The following SLC12A5 variants were observed in gnomAD, a reference collection of about 807,000 sequenced individuals.
The protein encoded by SLC12A5 is K-Cl cotransporter 2.
Under a neutral mutation model 124.0 loss-of-function variants are expected in SLC12A5, and 18 were observed. The ratio of observed to expected loss-of-function variants is 0.15; its 90% confidence interval spans 0.10 to 0.22. The LOEUF (loss-of-function observed/expected upper bound fraction) is 0.22, where lower values mean the gene tolerates loss of function less well. Ranked by LOEUF, SLC12A5 falls within the 10% of genes least tolerant of loss-of-function variation. The probability of loss-of-function intolerance (pLI) is 1.00; values close to 1 mark genes in which losing one functional copy is unlikely to be tolerated. For synonymous variants in SLC12A5, 589 were observed against 568.0 expected, an observed-to-expected ratio of 1.04 and a Z score of -0.53; for missense variants, 867 against 1,478.7, an observed-to-expected ratio of 0.59 and a Z score of 6.78.
At chr20:46,051,387 A>G (rs925897202) in intron 17 of SLC12A5, among the ~76,000 whole-genome samples, 1 of 152,106 alleles carries the variant, frequency 6.6e-6, no homozygotes, top group African/African-American at 2.4e-5. Context: ...GGCTTGTGTC[A>G]GGGTGATGGT....
chr20:46,030,996 G>T (rs1363244659), intron 1 of SLC12A5, among the ~76,000 whole-genome samples: 3 of 152,154 alleles, frequency 2.0e-5, no homozygotes. Flanking sequence ...TGAGTCTGCG[G>T]CAGCGCCAGG....
Position 46,056,828 on chromosome 20 carries a change from C to T in SLC12A5, c.3111-69C>T. ...GGCAGATGACCATGGCCCAAGCCCC[C>T]AGTGTCTTCCTCTTTTTCTGACTCT... On this transcript the variant is annotated intron_variant, in intron 23 of 25. Transcript: ENST00000243964. This position sits in a 1 kb window ranked among gnomAD's most constrained non-coding sequence, Gnocchi z 4.3. 2 of 1,530,790 alleles carry T rather than the reference C, an allele frequency of 1.3e-6. No homozygotes were observed. Among genetic ancestry groups the T allele is most frequent in the East Asian group, 4.5e-5 (2 of 44,532 alleles). The allele number at this position is 1,530,790 out of a possible 1,614,324, so 94.8% of individuals were successfully genotyped here.
intron 1 of SLC12A5, among the ~76,000 whole-genome samples, chr20:46,032,065 T>C (rs1198160819): frequency 2.6e-5 from 4 of 152,234 alleles, no homozygotes; most frequent in Non-Finnish European, 5.9e-5. Context: ...AGAACTAGCC[T>C]ACCTAGCCGC....
At chr20:46,049,342 T>A (rs1241216033) in intron 16 of SLC12A5, among the ~76,000 whole-genome samples, 1 of 152,180 alleles carries the variant, frequency 6.6e-6, no homozygotes, top group Non-Finnish European at 1.5e-5. Flanking sequence ...GATGTGTGGA[T>A]AATTGAATGA....
chr20:46,052,430 T>C (rs553753854), intron 18 of SLC12A5, among the ~76,000 whole-genome samples: 18 of 152,378 alleles, frequency 1.2e-4, no homozygotes, highest in Non-Finnish European at 2.5e-4. Flanking sequence ...CTGGGTTCGG[T>C]GGCTCACGCC....
Position 46,059,053 on chromosome 20 carries a change from T to C in SLC12A5, c.*1448T>C. Reference sequence around the variant, plus strand: ...TGGCCCTTCCGCTCCACCAGCCTGGTCTGAGGCGTGCTCTGTCCTTAGAGA... The same window carrying C: ...TGGCCCTTCCGCTCCACCAGCCTGGCCTGAGGCGTGCTCTGTCCTTAGAGA... On this transcript the variant is annotated 3_prime_UTR_variant, in exon 26 of 26. Coordinates refer to ENST00000243964, the MANE Select transcript of SLC12A5 (RefSeq NM_020708.5). 3.6e-6 allele frequency: 1 copy of C among 278,392 alleles called. No homozygotes were observed. The highest frequency in any genetic ancestry group is 6.6e-6 in the Non-Finnish European group (1 of 150,686). The allele number at this position is 278,392 out of a possible 1,614,324, so 17.2% of individuals were successfully genotyped here.
Position 46,056,574 on chromosome 20 carries a change from T to C in SLC12A5, c.3110+10T>C, listed in dbSNP as rs2145508277. Reference sequence around the variant, plus strand: ...TCTTCAGCATGAAGCCGTACGGGCCTGGGGGCTAAGGGCTGGGGGCTGGGG... The same window carrying C: ...TCTTCAGCATGAAGCCGTACGGGCCCGGGGGCTAAGGGCTGGGGGCTGGGG... On this transcript the variant is annotated intron_variant, in intron 23 of 25. Transcript: ENST00000243964. The surrounding 1 kb of genome is among the most constrained non-coding windows in gnomAD (Gnocchi z 4.3). 6.2e-7 allele frequency: 1 copy of C among 1,612,052 alleles called. No homozygotes were observed. Among genetic ancestry groups the C allele is most frequent in the Non-Finnish European group, 8.5e-7 (1 of 1,178,848 alleles).
At chr20:46,055,623 G>T (rs1166528451) in intron 21 of SLC12A5, among the ~76,000 whole-genome samples, 1 of 152,144 alleles carries the variant, frequency 6.6e-6, no homozygotes, top group African/African-American at 2.4e-5. Flanking sequence ...GGGACAGAAG[G>T]GCTCCTGGAG....
At chr20:46,047,625 G>A in intron 15 of SLC12A5, 52 bp downstream of exon 15, 2 of 1,587,170 alleles carry the variant, frequency 1.3e-6, no homozygotes, top group Non-Finnish European at 1.7e-6. Flanking sequence ...GAAGGGTGGT[G>A]GGAAGGAGAG....
chr20:46,030,806 C>T (rs2084442668), intron 1 of SLC12A5, among the ~76,000 whole-genome samples: 2 of 151,892 alleles, frequency 1.3e-5, no homozygotes, highest in South Asian at 4.2e-4. Context: ...CTGACTCCCC[C>T]CCACCCCCCG....
Position 46,053,501 on chromosome 20 carries a change from G to A in SLC12A5, c.2548-77G>A. Reference sequence around the variant, plus strand: ...GAGTGGGTGGGAAGAGGGGAAGGGTGAGCGGACAGGGCCTGGCCCTGGATC... The same window carrying A: ...GAGTGGGTGGGAAGAGGGGAAGGGTAAGCGGACAGGGCCTGGCCCTGGATC... On this transcript the variant is annotated intron_variant, in intron 19 of 25. Transcript: ENST00000243964. The surrounding 1 kb of genome is among the most constrained non-coding windows in gnomAD (Gnocchi z 4.7). 1.3e-6 allele frequency: 2 copies of A among 1,581,896 alleles called. No homozygotes were observed. The highest frequency in any genetic ancestry group is 2.2e-5 in the East Asian group (1 of 44,480).
At position 46,054,905 on chromosome 20, in the gene SLC12A5, T is replaced by C; in HGVS notation, c.2680-11T>C. 1 of 1,604,676 alleles carries C rather than the reference T, an allele frequency of 6.2e-7. No homozygotes were observed. ...CCCCACCCCCCAACCCCAACCTCTG[T>C]CTGCCCACAGCATGAGAGCGACATC... On this transcript the variant is annotated splice_polypyrimidine_tract_variant and intron_variant, in intron 20 of 25. Transcript: ENST00000243964.
In SLC12A5 at chr20:46,035,496, G is replaced by T; in HGVS notation, c.240G>T (p.Glu80Asp). ...NLPQGSREHEEAENNEGGKKK... is the reference protein window; with the variant it reads ...NLPQGSREHEDAENNEGGKKK... ...CCCAGGGAAGTAGGGAGCATGAAGA[G>T]GCAGAAAACAATGAGGGTGGAAAAA... Residue 80 changes from glutamate (E) to aspartate (D), a missense_variant, in exon 3 of 26, where the codon GAG becomes GAT. Physicochemically the swap from Glu to Asp is conservative, Grantham distance 45 (BLOSUM62 2). This residue lies in a region of SLC12A5 where 126 missense variants were observed against 291.6 expected (regional missense o/e 0.43). Transcript: ENST00000243964. 6.2e-7 allele frequency: 1 copy of T among 1,613,876 alleles called. No homozygotes were observed. The highest frequency in any genetic ancestry group is 8.5e-7 in the Non-Finnish European group (1 of 1,179,958).
At chr20:46,037,470 C>G in intron 6 of SLC12A5, 85 bp downstream of exon 6, 1 of 1,403,934 alleles carries the variant, frequency 7.1e-7, no homozygotes, top group African/African-American at 1.5e-5. Flanking sequence ...ATAGGCCAGG[C>G]CATTCAGTGA....
rs779753942 is a variant in SLC12A5, at chr20:46,040,600, C to A, written c.840C>A (p.Asp280Glu). The change falls in exon 7 of 26, where the codon GAC (aspartate) becomes GAA (glutamate). Residue 280 changes from aspartate (D) to glutamate (E), a missense_variant. Coordinates refer to ENST00000243964, the MANE Select transcript of SLC12A5 (RefSeq NM_020708.5). Reference sequence around the variant, plus strand: ...CTGGGGTCATCAAGTCTGCCTTCGACCCACCCAACTTCCCGTGAGTGCTGC... The same window carrying A: ...CTGGGGTCATCAAGTCTGCCTTCGAACCACCCAACTTCCCGTGAGTGCTGC... ...IYAGVIKSAF[D>E]PPNFPICLLG... The A allele has an allele frequency of 6.2e-7, 1 of 1,614,116 alleles. No homozygotes were observed. Among genetic ancestry groups the A allele is most frequent in the Non-Finnish European group, 8.5e-7 (1 of 1,179,998 alleles).
upstream of SLC12A5, among the ~76,000 whole-genome samples, chr20:46,028,013 A>G (rs1001202494): frequency 7.2e-5 from 11 of 152,156 alleles, no homozygotes; most frequent in African/African-American, 2.4e-4. Flanking sequence ...TCAGATGTTT[A>G]GATCTTCTAG....
chr20:46,053,765 C>G lies in SLC12A5; in HGVS notation c.2679+56C>G. On this transcript the variant is annotated intron_variant, in intron 20 of 25. Coordinates refer to ENST00000243964, the MANE Select transcript of SLC12A5 (RefSeq NM_020708.5). This position sits in a 1 kb window ranked among gnomAD's most constrained non-coding sequence, Gnocchi z 4.7. Reference sequence around the variant, plus strand: ...CACCTGGCCCTCTTTCCTCTTGGCCCCAGCACCAAGTAGGGCAACTCTAAC... The same window carrying G: ...CACCTGGCCCTCTTTCCTCTTGGCCGCAGCACCAAGTAGGGCAACTCTAAC... 2 of 1,507,996 alleles carry G rather than the reference C, an allele frequency of 1.3e-6. No individual in the cohort carries two copies. The highest frequency in any genetic ancestry group is 1.3e-5 in the South Asian group (1 of 76,920). 93.4% of individuals were successfully genotyped at this position (1,507,996 alleles called of 1,614,324 possible). A position where few individuals can be genotyped will look rare whatever the true frequency, so the allele number is the denominator to read the frequency against.
chr20:46,036,144 A>T, intron 4 of SLC12A5: 1 of 495,826 alleles, frequency 2.0e-6, no homozygotes, highest in Non-Finnish European at 3.5e-6. Flanking sequence ...TCTGTGTGTA[A>T]TTACACAAGT....
At chr20:46,035,283 C>T in intron 2 of SLC12A5, 121 bp from the exon 3 acceptor site, 1 of 1,310,448 alleles carries the variant, frequency 7.6e-7, no homozygotes, top group Non-Finnish European at 1.1e-6. Flanking sequence ...CCTCCTTTCC[C>T]ATCTCATCCC....
Sources: allele counts gnomAD v4.1 joint callset (sites outside exome capture counted in the v4.1 genomes callset), GRCh38; gene constraint gnomAD v4.1.1; regional missense constraint gnomAD v4.1.1; non-coding constraint Gnocchi (gnomAD v3.1); transcripts MANE v1.5; gene names NCBI Gene and HGNC (gene_info 2026-07-23, HGNC 2026-07-21).